SKA2: variants seen among roughly 807,000 people sequenced by gnomAD.
SKA2 encodes spindle and kinetochore-associated protein 2.
SKA2 carries 13 observed loss-of-function variants against 16.9 expected under a neutral mutation model. The ratio of observed to expected loss-of-function variants is 0.77; its 90% CI spans 0.50 to 1.22. SKA2 has a LOEUF of 1.22. SKA2 is among the 50% of genes most tolerant of loss of function. The pLI is 0.00. For missense variants in SKA2, 107 were observed against 139.7 expected (o/e 0.77, Z 1.18); for synonymous variants, 47 against 48.5 (o/e 0.97, Z 0.13).
chr17:59,118,302 A>G (rs2046310414), intron 3 of SKA2: 2 of 152,134 alleles, frequency 1.3e-5, no homozygotes, highest in African/African-American at 4.8e-5. Context: ...CTATATAACT[A>G]CTTTTATGTA....
intron 2 of SKA2, 81 bp from the exon 3 acceptor site, chr17:59,119,576 C>T: frequency 3.3e-6 from 4 of 1,210,648 alleles, no homozygotes; most frequent in Non-Finnish European, 4.7e-6. Context: ...ATACATACAA[C>T]ACATTCTACC....
At chr17:59,115,933 A>G (rs2046293211) in intron 3 of SKA2, among the ~76,000 whole-genome samples, 1 of 152,140 alleles carries the variant, frequency 6.6e-6, no homozygotes, top group South Asian at 2.1e-4. Flanking sequence ...AGAATACCAC[A>G]TATTCTACTT....
chr17:59,148,331 T>C (rs1470414341), intron 1 of SKA2, among the ~76,000 whole-genome samples: 1 of 152,078 alleles, frequency 6.6e-6, no homozygotes, highest in African/African-American at 2.4e-5. Context: ...GTTCCAGTAC[T>C]TTGGAAGGCT....
chr17:59,112,449 A>G (rs1323812151), intron 3 of SKA2, 104 bp from the exon 4 acceptor site: 3 of 795,620 alleles, frequency 3.8e-6, no homozygotes, highest in African/African-American at 1.7e-5. Context: ...CCCTAAGCTT[A>G]TACTATGTAT....
At position 59,131,360 on chromosome 17, in the gene SKA2, T is replaced by C; in HGVS notation, c.41A>G (p.Lys14Arg). Residue 14 changes from lysine (K) to arginine (R), a missense_variant, in exon 2 of 4, where the codon AAA becomes AGA. By Grantham distance (26) the Lys-to-Arg change is conservative (BLOSUM62 2). Coordinates refer to ENST00000330137, the MANE Select transcript of SKA2 (RefSeq NM_182620.4). The stretch of plus-strand genomic sequence containing the variant: ...AATGTAATCCAGATCAGACTCAGCT[T>C]TCTGGAACTAAAGATCAGCACAAAT... ...EVDKLELMFQ[K>R]AESDLDYIQY... is the part of the protein sequence containing the mutation. 6.4e-7 allele frequency: 1 copy of C among 1,559,426 alleles called. No homozygotes were observed. Among genetic ancestry groups the C allele is most frequent in the Non-Finnish European group, 8.7e-7 (1 of 1,148,866 alleles).
Position 59,111,387 on chromosome 17 carries a change from T to G in SKA2, c.*890A>C, listed in dbSNP as rs1395649364. On this transcript the variant is annotated 3_prime_UTR_variant, in exon 4 of 4. Coordinates refer to ENST00000330137, the MANE Select transcript of SKA2 (RefSeq NM_182620.4). ...TGTATATTGCTATTATAAACAACCC[T>G]GTGATTAACATCTTTCTATCAAGAT... 1 of 152,248 alleles carries G rather than the reference T, an allele frequency of 6.6e-6. No homozygotes were observed. Among genetic ancestry groups the G allele is most frequent in the African/African-American group, 2.4e-5 (1 of 41,472 alleles). 9.4% of individuals were successfully genotyped at this position (152,248 alleles called of 1,614,324 possible).
chr17:59,126,753 T>G (rs984734901), intron 2 of SKA2, among the ~76,000 whole-genome samples: 5 of 152,200 alleles, frequency 3.3e-5, no homozygotes, highest in Non-Finnish European at 5.9e-5. Context: ...GATCCAGCAA[T>G]TGCACTTCTG....
intron 1 of SKA2, among the ~76,000 whole-genome samples, chr17:59,144,733 C>T (rs1288049559): frequency 6.6e-6 from 1 of 152,018 alleles, no homozygotes; most frequent in Non-Finnish European, 1.5e-5. Context: ...ATCATAGAGA[C>T]AGATAGTAGA....
intron 1 of SKA2, among the ~76,000 whole-genome samples, chr17:59,141,764 A>G (rs947702009): frequency 6.6e-6 from 1 of 152,020 alleles, no homozygotes; most frequent in Middle Eastern, 3.4e-3. Flanking sequence ...GCATACTTCA[A>G]AATTATGGCA....
In SKA2 at chr17:59,131,332, T is replaced by A. The variant is rs374720606; in HGVS notation, c.69A>T (p.Gln23His). ...QKAESDLDYI[Q>H]YRLEYEIKTN... ...TCTTGATTTCATATTCCAGCCTGTA[T>A]TGAATGTAATCCAGATCAGACTCAG... is the stretch of plus-strand genomic sequence containing the variant. Residue 23 changes from glutamine to histidine, a missense_variant, in exon 2 of 4, where the codon CAA becomes CAT. Coordinates refer to ENST00000330137, the MANE Select transcript of SKA2 (RefSeq NM_182620.4). 4 of 1,580,746 alleles carry A rather than the reference T, an allele frequency of 2.5e-6. No individual in the cohort carries two copies. The Admixed American group carries it at 5.4e-5, about 21-fold the overall frequency.
At chr17:59,145,569 CCAT>C (rs1226488030) in intron 1 of SKA2, among the ~76,000 whole-genome samples, 1 of 152,030 alleles carries the variant, frequency 6.6e-6, no homozygotes, top group Non-Finnish European at 1.5e-5. Context: ...TCTATTTTTC[CCAT>C]CATGTCATCT....
rs569746971 is a variant in SKA2, at chr17:59,139,433, A to G, written c.34-8066T>C. Among the ~76,000 whole-genome samples the G allele has an allele frequency of 2.6e-3, 394 of 150,986 alleles. 5 individuals are homozygous for G. The Middle Eastern group carries it at 0.027, about 10-fold the overall frequency. On this transcript the variant is annotated intron_variant, in intron 1 of 3. Coordinates refer to ENST00000330137, the MANE Select transcript of SKA2 (RefSeq NM_182620.4). ...AAAAAAAAAAAGAAATGCATTTTCCATAGAAACATTTTAAGGGAGAATTAA... is the reference window on the plus strand; with the variant it reads ...AAAAAAAAAAAGAAATGCATTTTCCGTAGAAACATTTTAAGGGAGAATTAA...
chr17:59,151,178 G>A (rs1313679006), intron 1 of SKA2: 2 of 512,434 alleles, frequency 3.9e-6, no homozygotes, highest in Admixed American at 2.0e-5. Context: ...ACTGCTAGCT[G>A]TAAAGTACAG....
At chr17:59,116,851 C>CT (rs2046300106) in intron 3 of SKA2, among the ~76,000 whole-genome samples, 2 of 129,784 alleles carry the variant, frequency 1.5e-5, no homozygotes, top group South Asian at 5.3e-4. Flanking sequence ...CAGAGTCTCG[C>CT]TCTGTTGCCA....
chr17:59,113,295 G>A (rs1009955407), intron 3 of SKA2, among the ~76,000 whole-genome samples: 7 of 151,998 alleles, frequency 4.6e-5, no homozygotes, highest in Admixed American at 6.6e-5. Flanking sequence ...GCTGAGGCGG[G>A]TGGATCACTT....
Position 59,148,070 on chromosome 17 carries a change from C to T in SKA2, c.33+7061G>A, listed in dbSNP as rs377042660. ...TGTTGGCCAGGCTGGTCTTGAACTC[C>T]CTCAGGTAATCTGCCCGCTTCGGCC... On this transcript the variant is annotated intron_variant, in intron 1 of 3. Coordinates refer to ENST00000330137, the MANE Select transcript of SKA2 (RefSeq NM_182620.4). 1.8e-3 allele frequency among the ~76,000 whole-genome samples: 274 copies of T among 151,960 alleles called. 2 individuals are homozygous for T. Among genetic ancestry groups the T allele is most frequent in the African/African-American group, 6.3e-3 (262 of 41,460 alleles).
intron 2 of SKA2, 129 bp downstream of exon 2, chr17:59,131,152 A>G (rs1568306094): frequency 1.6e-6 from 1 of 615,538 alleles, no homozygotes; most frequent in East Asian, 3.0e-5. Context: ...ACACAATGCA[A>G]GATTTTAAGA....
chr17:59,117,569 T>C (rs1568300768), intron 3 of SKA2, among the ~76,000 whole-genome samples: 1 of 151,802 alleles, frequency 6.6e-6, no homozygotes, highest in Non-Finnish European at 1.5e-5. Context: ...AAAATATTTT[T>C]TTCTTCTTCT....
At position 59,154,934 on chromosome 17, in the gene SKA2, T is replaced by C. The variant is rs2046611226; in HGVS notation, c.33+197A>G. The C allele has an allele frequency of 1.9e-6, 3 of 1,611,166 alleles. No homozygotes were observed. In the East Asian group the frequency reaches 6.7e-5, roughly 36 times the overall value. ...CATCTCCCGCCATTTCCCTGACGAG[T>C]TTCCCGGATGTAACCCCTTACCCGA... is the stretch of plus-strand genomic sequence containing the variant. On this transcript the variant is annotated intron_variant, in intron 1 of 3. Transcript: ENST00000330137.
Sources: allele counts gnomAD v4.1 joint callset (sites outside exome capture counted in the v4.1 genomes callset), GRCh38; gene constraint gnomAD v4.1.1; transcripts MANE v1.5; gene names NCBI Gene and HGNC (gene_info 2026-07-23, HGNC 2026-07-21).